Variants in C7 observed in about 807,000 individuals in gnomAD.
C7 encodes the protein complement C7, also known as complement component C7.
C7 carries 83 observed loss-of-function variants against 104.8 expected under a neutral mutation model. The observed-to-expected ratio is 0.79, with a 90% CI of 0.66 to 0.95. The LOEUF (loss-of-function observed/expected upper bound fraction) is 0.95. C7 is among the 40% of genes least tolerant of loss of function. The pLI is 0.00. For missense variants in C7, 1,070 were observed against 1,011.2 expected, an observed-to-expected ratio of 1.06 and a Z score of -0.79; for synonymous variants, 415 against 360.6, an observed-to-expected ratio of 1.15 and a Z score of -1.71.
chr5:40,947,849 C>A lies in C7; in HGVS notation c.982+4C>A, dbSNP rs543766218. The A allele has an allele frequency of 6.2e-7, 1 of 1,610,838 alleles. No individual in the cohort carries two copies. The highest frequency in any genetic ancestry group is 1.7e-5 in the Admixed American group (1 of 59,430). On this transcript the variant is annotated splice_donor_region_variant and intron_variant, in intron 8 of 17. Coordinates refer to ENST00000313164, the MANE Select transcript of C7 (RefSeq NM_000587.4). ...TCAGAAAAATTAAAACAAAATGGTA[C>A]AGTATTAAAAAATTCGTTGTCTAAA... is the stretch of plus-strand genomic sequence containing the variant.
chr5:40,913,242 T>C (rs1739247662), intron 1 of C7, among the ~76,000 whole-genome samples: 2 of 152,216 alleles, frequency 1.3e-5, no homozygotes, highest in African/African-American at 4.8e-5. Flanking sequence ...TTTGCTATTG[T>C]GAATAGTGTT....
At position 40,936,469 on chromosome 5, in the gene C7, G is replaced by A. The variant is rs745342720; in HGVS notation, c.412G>A (p.Glu138Lys). 5.0e-6 allele frequency: 8 copies of A among 1,612,920 alleles called. No homozygotes were observed. The highest frequency in any genetic ancestry group is 3.4e-6 in the Non-Finnish European group (4 of 1,179,386). ...CDIDKPPPNI[E>K]LTGNGYNELT... ...TATCGATAAACCTCCTCCTAACATA[G>A]AACTTACTGGAAATGGGTAAGGTGC... Residue 138 changes from glutamate (E) to lysine (K), a missense_variant, in exon 5 of 18, where the codon GAA becomes AAA. Coordinates refer to ENST00000313164, the MANE Select transcript of C7 (RefSeq NM_000587.4).
intron 13 of C7, among the ~76,000 whole-genome samples, chr5:40,963,331 A>T (rs1476153145): frequency 6.6e-6 from 1 of 152,204 alleles, no homozygotes; most frequent in Admixed American, 6.5e-5. Flanking sequence ...TCTACAAGTG[A>T]TTATGATATA....
Position 40,909,523 on chromosome 5 carries a change from T to A in C7, c.-88T>A. The A allele has an allele frequency of 1.0e-6, 1 of 991,142 alleles. No individual in the cohort carries two copies. Among genetic ancestry groups the A allele is most frequent in the Non-Finnish European group, 1.5e-6 (1 of 650,848 alleles). The allele number at this position is 991,142 out of a possible 1,614,324, so 61.4% of individuals were successfully genotyped here. On this transcript the variant is annotated 5_prime_UTR_variant, in exon 1 of 18. Transcript: ENST00000313164. ...GGGAGAGGCAGAGAGGCAGGCAGCC[T>A]GCTGGGCTCTTCCTGCTGTTGAAAA...
intron 1 of C7, among the ~76,000 whole-genome samples, chr5:40,916,639 C>A (rs543695237): frequency 6.6e-6 from 1 of 152,220 alleles, no homozygotes; most frequent in Non-Finnish European, 1.5e-5. Flanking sequence ...CATCACCCAA[C>A]CCTTACTTGT....
chr5:40,918,548 G>A (rs1041838837), intron 1 of C7, among the ~76,000 whole-genome samples: 1 of 152,102 alleles, frequency 6.6e-6, no homozygotes, highest in African/African-American at 2.4e-5. Context: ...GTTACCTGCA[G>A]GAAACTCACC....
At chr5:40,921,395 C>T (rs1293440722) in intron 1 of C7, among the ~76,000 whole-genome samples, 1 of 151,992 alleles carries the variant, frequency 6.6e-6, no homozygotes, top group African/African-American at 2.4e-5. Context: ...AAGTGATCTA[C>T]AGATTCAATG....
Position 40,945,358 on chromosome 5 carries a change from A to G in C7, c.728A>G (p.His243Arg), listed in dbSNP as rs756111725. ...TATACTTCACATACCAATGAAATCC[A>G]TAAAGGAAAGGTTAGTATAAAATGT... ...RSYTSHTNEI[H>R]KGKSYQLLVV... Residue 243 changes from histidine to arginine, a missense_variant, in exon 7 of 18, where the codon CAT becomes CGT. Physicochemically the swap from His to Arg is conservative, Grantham distance 29. Transcript: ENST00000313164. 17 of 1,588,620 alleles carry G rather than the reference A, an allele frequency of 1.1e-5. No homozygotes were observed. The Admixed American group carries it at 1.9e-4, about 18-fold the overall frequency.
intron 6 of C7, among the ~76,000 whole-genome samples, chr5:40,940,221 T>C (rs1739906655): frequency 6.6e-6 from 1 of 152,222 alleles, no homozygotes; most frequent in Non-Finnish European, 1.5e-5. Flanking sequence ...TTATAATCCC[T>C]GTTTCGGTTT....
At position 40,982,139 on chromosome 5, in the gene C7, C is replaced by T. The variant is rs368900521; in HGVS notation, c.*566C>T. ...AGTCAACCACCACAGATAGGAATTC[C>T]TTATTCTTTTTTTAATTTTTTTAAG... On this transcript the variant is annotated 3_prime_UTR_variant, in exon 18 of 18. Coordinates refer to ENST00000313164, the MANE Select transcript of C7 (RefSeq NM_000587.4). 6.6e-6 allele frequency: 1 copy of T among 151,990 alleles called. No homozygotes were observed. 9.4% of individuals were successfully genotyped at this position (151,990 alleles called of 1,614,324 possible).
At chr5:40,934,488 C>T in intron 4 of C7, 22 bp downstream of exon 4, 3 of 1,610,438 alleles carry the variant, frequency 1.9e-6, no homozygotes, top group Non-Finnish European at 1.7e-6. Flanking sequence ...TCCATAGGCT[C>T]AGCATGCAGA....
chr5:40,921,752 T>C (rs937971010), intron 1 of C7, among the ~76,000 whole-genome samples: 1 of 152,096 alleles, frequency 6.6e-6, no homozygotes, highest in Non-Finnish European at 1.5e-5. Context: ...AGAACATACA[T>C]TGGGCTGGGC....
intron 16 of C7, 124 bp from the exon 17 acceptor site, chr5:40,979,601 T>G (rs1328533605): frequency 1.5e-6 from 1 of 663,002 alleles, no homozygotes; most frequent in Non-Finnish European, 2.4e-6. Flanking sequence ...TCCACCTTTT[T>G]TTTTTTTTTA....
chr5:40,960,510 CTGCTGTGCACA>C (rs1740400190), intron 12 of C7, among the ~76,000 whole-genome samples: 1 of 152,098 alleles, frequency 6.6e-6, no homozygotes, highest in African/African-American at 2.4e-5. Flanking sequence ...AGGATGCTGG[CTGCTGTGCACA>C]TGTTTCTGGG....
intron 1 of C7, among the ~76,000 whole-genome samples, chr5:40,919,484 A>T (rs1486662471): frequency 6.6e-6 from 1 of 152,048 alleles, no homozygotes; most frequent in Admixed American, 6.6e-5. Flanking sequence ...GGAGGAAGCT[A>T]GGTGTCATGT....
rs145723994 is a variant in C7 at position 40,930,950 on chromosome 5, C to T, written c.63-114C>T. 1,314 of 750,744 alleles carry T rather than the reference C, an allele frequency of 1.8e-3. 23 individuals are homozygous for T. The East Asian group carries it at 0.03, about 17-fold the overall frequency. The allele number at this position is 750,744 out of a possible 1,614,324, so 46.5% of individuals were successfully genotyped here. A position where few individuals can be genotyped will look rare whatever the true frequency, so the allele number is the denominator to read the frequency against. ...TTTTAGGATCCTTTTAGTGTCTCTT[C>T]GGAAAAAATATTTGAGGCAACATTT... On this transcript the variant is annotated intron_variant, in intron 2 of 17. Coordinates refer to ENST00000313164, the MANE Select transcript of C7 (RefSeq NM_000587.4).
In C7 at chr5:40,909,552, AC is replaced by A. The variant is rs1739163977; in HGVS notation, c.-56del. Reference sequence around the variant, plus strand: ...GGGCTCTTCCTGCTGTTGAAAACTTACCCGGCCCTTACAGAGGAAATCTTCC... The same window carrying A: ...GGGCTCTTCCTGCTGTTGAAAACTTACCGGCCCTTACAGAGGAAATCTTCC... On this transcript the variant is annotated 5_prime_UTR_variant, in exon 1 of 18. Transcript: ENST00000313164. The A allele has an allele frequency of 6.8e-7, 1 of 1,470,706 alleles. No individual in the cohort carries two copies. Among genetic ancestry groups the A allele is most frequent in the Non-Finnish European group, 9.3e-7 (1 of 1,072,998 alleles). 91.1% of individuals were successfully genotyped at this position (1,470,706 alleles called of 1,614,324 possible).
At chr5:40,964,603 T>C in intron 13 of C7, 138 bp from the exon 14 acceptor site, 1 of 713,668 alleles carries the variant, frequency 1.4e-6, no homozygotes, top group Admixed American at 2.9e-5. Context: ...GGAAAATGTT[T>C]TTATAGACAC....
intron 3 of C7, among the ~76,000 whole-genome samples, chr5:40,934,064 C>A (rs62358578): frequency 0.081 from 11,423 of 140,516 alleles, 568 homozygotes; most frequent in Non-Finnish European, 0.11. Flanking sequence ...TTTTTTTTTG[C>A]ATTTAATCCT....
Sources: allele counts gnomAD v4.1 joint callset (sites outside exome capture counted in the v4.1 genomes callset), GRCh38; gene constraint gnomAD v4.1.1; transcripts MANE v1.5; gene names NCBI Gene and HGNC (gene_info 2026-07-23, HGNC 2026-07-21).